Variants in FOXJ2 observed in about 807,000 individuals in gnomAD.
FOXJ2 encodes forkhead box J2, also known as forkhead box protein J2.
In FOXJ2, 18 loss-of-function variants were observed where a neutral mutation model predicts 68.4. The ratio of observed to expected loss-of-function variants is 0.26; its 90% CI spans 0.18 to 0.39. The LOEUF (loss-of-function observed/expected upper bound fraction) is 0.39. FOXJ2 is among the 10% of genes least tolerant of loss of function. The pLI is 1.00. For missense variants in FOXJ2, 670 were observed against 726.5 expected, an observed-to-expected ratio of 0.92 and a Z score of 0.89; for synonymous variants, 274 against 263.2, an observed-to-expected ratio of 1.04 and a Z score of -0.40.
Position 8,044,045 on chromosome 12 carries a change from C to T in FOXJ2, c.572C>T (p.Pro191Leu), listed in dbSNP as rs1426031890. Reference protein sequence around the residue: ...GEASLPPEGNPQMSLQSPTSI... With the variant: ...GEASLPPEGNLQMSLQSPTSI... ...GCCTCACTGCCTCCTGAGGGGAATC[C>T]GCAGATGTCACTTCAGAGCCCCACA... is the stretch of plus-strand genomic sequence containing the variant. Residue 191 changes from proline (P) to leucine (L), a missense_variant, in exon 5 of 11, where the codon CCG becomes CTG. Transcript: ENST00000162391. 22 of 1,581,256 alleles carry T rather than the reference C, an allele frequency of 1.4e-5. No homozygotes were observed. Among genetic ancestry groups the T allele is most frequent in the African/African-American group, 2.7e-5 (2 of 73,276 alleles).
intron 1 of FOXJ2, among the ~76,000 whole-genome samples, chr12:8,037,284 G>A (rs10846377): frequency 6.6e-6 from 1 of 151,674 alleles, no homozygotes; most frequent in East Asian, 1.9e-4. Context: ...AGAACGGTGC[G>A]GAAAGATCAA....
Position 8,050,572 on chromosome 12 carries a change from C to A in FOXJ2, c.1588C>A (p.Pro530Thr). Reference sequence around the variant, plus strand: ...TCCCCACCTCTACCCTGGCCCATCACCAATGTACCCAATCCCCACCCAGGA... The same window carrying A: ...TCCCCACCTCTACCCTGGCCCATCAACAATGTACCCAATCCCCACCCAGGA... ...QAPHLYPGPS[P>T]MYPIPTQDSA... Residue 530 changes from proline (P) to threonine (T), a missense_variant, in exon 10 of 11, where the codon CCA (proline) becomes ACA (threonine). By Grantham distance (38) the Pro-to-Thr change is conservative (BLOSUM62 -1). This residue lies in a region of FOXJ2 where 555 missense variants were observed against 562.2 expected (regional missense o/e 0.99). Transcript: ENST00000162391. 1 of 1,614,032 alleles carries A rather than the reference C, an allele frequency of 6.2e-7. No homozygotes were observed. Among genetic ancestry groups the A allele is most frequent in the Non-Finnish European group, 8.5e-7 (1 of 1,179,978 alleles).
rs763258765 is a variant in FOXJ2, at chr12:8,040,060, C to G, written c.228C>G (p.Thr76=). ...KPRYSYATLI[T]YAINSSPAKK... is the part of the protein sequence containing the mutation. ...GATACAGCTATGCCACTCTCATCAC[C>G]TATGCCATCAACTCCTCTCCAGCCA... is the stretch of plus-strand genomic sequence containing the variant. The change falls in exon 2 of 11, where the codon ACC becomes ACG. Residue 76 remains threonine, a synonymous_variant. Transcript: ENST00000162391. The surrounding 1 kb of genome is among the most constrained non-coding windows in gnomAD (Gnocchi z 4.0). The G allele has an allele frequency of 6.2e-7, 1 of 1,614,176 alleles. No homozygotes were observed. Among genetic ancestry groups the G allele is most frequent in the Non-Finnish European group, 8.5e-7 (1 of 1,180,046 alleles).
At chr12:8,050,821 C>A (rs1485694914) in intron 10 of FOXJ2, among the ~76,000 whole-genome samples, 2 of 139,028 alleles carry the variant, frequency 1.4e-5, no homozygotes, top group Non-Finnish European at 3.1e-5. Flanking sequence ...GTGTCCCCTC[C>A]CCTCCCTTCC....
intron 6 of FOXJ2, among the ~76,000 whole-genome samples, chr12:8,045,423 C>T (rs920086978): frequency 6.6e-6 from 1 of 152,148 alleles, no homozygotes; most frequent in Non-Finnish European, 1.5e-5. Context: ...ACCATGTTGG[C>T]CAGGCTGGTC....
At chr12:8,042,857 T>C in intron 3 of FOXJ2, 125 bp downstream of exon 3, 2 of 806,524 alleles carry the variant, frequency 2.5e-6, no homozygotes, top group Non-Finnish European at 4.0e-6. Flanking sequence ...AGAAGCATCT[T>C]TATTTTTTTC....
chr12:8,046,670 G>A (rs1289309269), intron 6 of FOXJ2, among the ~76,000 whole-genome samples: 1 of 152,190 alleles, frequency 6.6e-6, no homozygotes, highest in East Asian at 1.9e-4. Flanking sequence ...ATATCTGTGT[G>A]TTCGTTTTTT....
rs1947067501 is a variant in FOXJ2, at chr12:8,048,279, C to T, written c.1215C>T (p.Asn405=). ...PQAQGQAPIN[N]TGFAFPSDWC... ...CACAAGGCCAGGCTCCCATCAACAA[C>T]ACTGGCTTTGGTGAGTAAGGAGGGT... Residue 405 remains asparagine, a synonymous_variant, in exon 7 of 11, where the codon AAC becomes AAT. Coordinates refer to ENST00000162391, the MANE Select transcript of FOXJ2 (RefSeq NM_018416.3). 6.4e-7 allele frequency: 1 copy of T among 1,568,310 alleles called. No individual in the cohort carries two copies. The highest frequency in any genetic ancestry group is 1.9e-5 in the Admixed American group (1 of 53,810).
chr12:8,038,053 TCAAA>T lies in FOXJ2; in HGVS notation c.-14-1762_-14-1759del, dbSNP rs1011245843. Among the ~76,000 whole-genome samples, 1 of 152,182 alleles carries T rather than the reference TCAAA, an allele frequency of 6.6e-6. No homozygotes were observed. Among genetic ancestry groups the T allele is most frequent in the Non-Finnish European group, 1.5e-5 (1 of 68,024 alleles). ...CCCTCGCTCCGCCCCTTTTCTCCTG[TCAAA>T]CAATTCTTGGGTTAGAGTTGCGTCT... On this transcript the variant is annotated intron_variant, in intron 1 of 10. Coordinates refer to ENST00000162391, the MANE Select transcript of FOXJ2 (RefSeq NM_018416.3). The surrounding 1 kb of genome is among the most constrained non-coding windows in gnomAD (Gnocchi z 5.3).
intron 7 of FOXJ2, 62 bp downstream of exon 7, chr12:8,048,351 C>T (rs961103610): frequency 1.5e-5 from 22 of 1,501,698 alleles, no homozygotes; most frequent in East Asian, 2.3e-5. Flanking sequence ...GTCCTAACAC[C>T]GGCATGGAGG....
intron 3 of FOXJ2, among the ~76,000 whole-genome samples, chr12:8,043,310 T>C (rs780529633): frequency 2.0e-4 from 31 of 152,260 alleles, no homozygotes; most frequent in African/African-American, 5.8e-4. Flanking sequence ...CCCCCTTTTT[T>C]GTGTGGCACT....
chr12:8,052,344 G>A (rs895984917), intron 10 of FOXJ2, among the ~76,000 whole-genome samples: 7 of 151,578 alleles, frequency 4.6e-5, no homozygotes, highest in African/African-American at 1.5e-4. Flanking sequence ...TCAGCCTCCC[G>A]AGTAGCTGGG....
rs964075448 is a variant in FOXJ2 at position 8,044,025 on chromosome 12, A to T, written c.552A>T (p.Ser184=). The part of the protein sequence containing the change: ...RGGVAGSGEA[S]LPPEGNPQMS... ...GCGTTGCAGGGAGTGGAGAAGCCTC[A>T]CTGCCTCCTGAGGGGAATCCGCAGA... The change falls in exon 5 of 11, where the codon TCA becomes TCT. Residue 184 remains serine (S), a synonymous_variant. Transcript: ENST00000162391. 1.9e-6 allele frequency: 3 copies of T among 1,589,546 alleles called. No homozygotes were observed. Among genetic ancestry groups the T allele is most frequent in the Non-Finnish European group, 2.6e-6 (3 of 1,169,286 alleles).
chr12:8,036,272 T>A (rs1946894095), intron 1 of FOXJ2, among the ~76,000 whole-genome samples: 1 of 152,212 alleles, frequency 6.6e-6, no homozygotes, highest in African/African-American at 2.4e-5. Flanking sequence ...GACATTGGCA[T>A]TAGAACAATT....
At chr12:8,036,815 A>G (rs1325331731) in intron 1 of FOXJ2, among the ~76,000 whole-genome samples, 1 of 152,190 alleles carries the variant, frequency 6.6e-6, no homozygotes, top group Non-Finnish European at 1.5e-5. Context: ...GGGGCCAGGC[A>G]TGGTGTTTCA....
Position 8,048,069 on chromosome 12 carries a change from A to G in FOXJ2, c.1005A>G (p.Pro335=). 6.2e-7 allele frequency: 1 copy of G among 1,612,264 alleles called. No homozygotes were observed. The highest frequency in any genetic ancestry group is 8.5e-7 in the Non-Finnish European group (1 of 1,178,828). ...QGPSAVGGAP[P]LHTPSTDGCT... ...CCTCAGCTGTAGGGGGTGCTCCTCC[A>G]CTGCACACCCCAAGCACAGATGGTT... The change falls in exon 7 of 11, where the codon CCA becomes CCG. Residue 335 remains proline, a synonymous_variant. Transcript: ENST00000162391.
At chr12:8,034,771 G>C (rs115974173) in intron 1 of FOXJ2, among the ~76,000 whole-genome samples, 290 of 152,278 alleles carry the variant, frequency 1.9e-3, no homozygotes, top group African/African-American at 6.6e-3. Context: ...CCTGTTTCTT[G>C]TTCAGTTCTG....
intron 1 of FOXJ2, among the ~76,000 whole-genome samples, chr12:8,036,854 C>T (rs557582852): frequency 4.1e-4 from 63 of 152,098 alleles, no homozygotes; most frequent in Non-Finnish European, 7.4e-4. Context: ...TTTGGGAGAC[C>T]GAGATGGGTA....
chr12:8,039,846 T>C lies in FOXJ2; in HGVS notation c.14T>C (p.Leu5Pro). 1 of 1,613,754 alleles carries C rather than the reference T, an allele frequency of 6.2e-7. No homozygotes were observed. Among genetic ancestry groups the C allele is most frequent in the Non-Finnish European group, 8.5e-7 (1 of 1,179,756 alleles). The change falls in exon 2 of 11, where the codon CTA becomes CCA. Residue 5 changes from leucine (L) to proline (P), a missense_variant. Leu to Pro is a moderately conservative substitution (Grantham distance 98). Transcript: ENST00000162391. MASD[L>P]ESSLTSIDWL... ...CCCAGAAGTACCATGGCTTCTGACC[T>C]AGAGAGTAGCCTCACCTCCATAGAC...
Sources: allele counts gnomAD v4.1 joint callset (sites outside exome capture counted in the v4.1 genomes callset), GRCh38; gene constraint gnomAD v4.1.1; regional missense constraint gnomAD v4.1.1; non-coding constraint Gnocchi (gnomAD v3.1); transcripts MANE v1.5; gene names NCBI Gene and HGNC (gene_info 2026-07-23, HGNC 2026-07-21).